MEIG1: variants seen among roughly 807,000 people sequenced by gnomAD.
MEIG1 encodes meiosis expressed gene 1 protein homolog.
Under a neutral mutation model 11.3 loss-of-function variants are expected in MEIG1, and 12 were observed. That is an observed-to-expected ratio of 1.07 (90% CI 0.68 to 1.73). The LOEUF (loss-of-function observed/expected upper bound fraction) is 1.73, where lower values mean the gene tolerates loss of function less well. Among genes scored for constraint, MEIG1 ranks in the 40% most tolerant of loss-of-function variants. The pLI is 0.00. For synonymous variants in MEIG1, 41 were observed against 33.2 expected, an observed-to-expected ratio of 1.24 and a Z score of -0.81; for missense variants, 119 against 104.9, an observed-to-expected ratio of 1.13 and a Z score of -0.59.
downstream of MEIG1, among the ~76,000 whole-genome samples, chr10:14,977,259 C>T (rs567441341): frequency 6.6e-6 from 1 of 152,144 alleles, no homozygotes; most frequent in African/African-American, 2.4e-5. Flanking sequence ...CTCCCAATGT[C>T]ACAGATGGTG....
intron 1 of MEIG1, among the ~76,000 whole-genome samples, chr10:14,985,439 G>A (rs144369343): frequency 6.6e-6 from 1 of 151,980 alleles, no homozygotes; most frequent in African/African-American, 2.4e-5. Context: ...TACTCCTAAT[G>A]TCATATGGGA....
chr10:14,984,234 A>C (rs1843295020), intron 1 of MEIG1, among the ~76,000 whole-genome samples: 1 of 114,756 alleles, frequency 8.7e-6, no homozygotes, highest in Non-Finnish European at 1.7e-5. Context: ...TGCGATGTGG[A>C]TCGTAATATC....
At chr10:14,978,756 C>T (rs7918055) in intron 1 of MEIG1, among the ~76,000 whole-genome samples, 15,787 of 151,930 alleles carry the variant, frequency 0.1, 1,255 homozygotes, top group East Asian at 0.25. Flanking sequence ...GCTGTATACC[C>T]TGTGATATTA....
chr10:14,978,643 C>A (rs533224548), intron 1 of MEIG1, among the ~76,000 whole-genome samples: 1 of 151,926 alleles, frequency 6.6e-6, no homozygotes, highest in Non-Finnish European at 1.5e-5. Flanking sequence ...CGATAGTATT[C>A]GTAGTCTCCT....
intron 2 of MEIG1, among the ~76,000 whole-genome samples, chr10:14,971,216 G>GATAATAATAATAATAATGATAATAATA (rs1843145345): frequency 7.0e-6 from 1 of 143,642 alleles, no homozygotes; most frequent in South Asian, 2.2e-4. Context: ...TAATAATAAT[G>GATAATAATAATAATAATGATAATAATA]ATAATAATAA....
chr10:14,955,304 G>A (rs1194860124), upstream of MEIG1, among the ~76,000 whole-genome samples: 1 of 152,142 alleles, frequency 6.6e-6, no homozygotes, highest in African/African-American at 2.4e-5. Context: ...TCTATCTGGC[G>A]ACAACATGTT....
At chr10:14,981,065 A>T (rs1206092863) in intron 1 of MEIG1, among the ~76,000 whole-genome samples, 2 of 152,120 alleles carry the variant, frequency 1.3e-5, no homozygotes, top group Non-Finnish European at 2.9e-5. Flanking sequence ...GTATCATTCC[A>T]CAAGTTCTTA....
At chr10:14,973,726 C>T (rs1179168765), downstream of MEIG1, among the ~76,000 whole-genome samples, 4 of 144,660 alleles carry the variant, frequency 2.8e-5, no homozygotes, top group Non-Finnish European at 3.0e-5. Flanking sequence ...GCCAAGATCC[C>T]GCCACTGCAC....
chr10:14,954,368 A>C, the MEIG1 span: 1 of 380,832 alleles, frequency 2.6e-6, no homozygotes, highest in Non-Finnish European at 5.0e-6. Flanking sequence ...CTCCCAGAGC[A>C]GGTGGCCCCA....
At chr10:14,957,363 C>G (rs908670024), upstream of MEIG1, among the ~76,000 whole-genome samples, 4 of 152,178 alleles carry the variant, frequency 2.6e-5, no homozygotes, top group Non-Finnish European at 5.9e-5. Context: ...TGCTAGCCAC[C>G]GTGCCATGCT....
chr10:14,964,608 TAC>T (rs1220258184), intron 1 of MEIG1, among the ~76,000 whole-genome samples: 17,192 of 90,022 alleles, frequency 0.19, 1,601 homozygotes, highest in African/African-American at 0.29. Context: ...TATATATATA[TAC>T]ACACACACAC....
chr10:14,972,786 A>G lies in MEIG1; in HGVS notation c.*145A>G. On this transcript the variant is annotated 3_prime_UTR_variant, in exon 3 of 3. Coordinates refer to ENST00000407572, the MANE Select transcript of MEIG1 (RefSeq NM_001080836.3). Reference sequence around the variant, plus strand: ...AAACACAAAAGCCATGAGAATTGGTATCTGCTAATCACCTTGTCCTGTTCT... The same window carrying G: ...AAACACAAAAGCCATGAGAATTGGTGTCTGCTAATCACCTTGTCCTGTTCT... 1 of 724,590 alleles carries G rather than the reference A, an allele frequency of 1.4e-6. No homozygotes were observed. The highest frequency in any genetic ancestry group is 2.9e-5 in the East Asian group (1 of 35,064). The allele number at this position is 724,590 out of a possible 1,614,324, so 44.9% of individuals were successfully genotyped here.
Position 14,987,111 on chromosome 10 carries a change from A to G in MEIG1, n.285+97A>G, listed in dbSNP as rs1843326089. On this transcript the variant is annotated intron_variant and non_coding_transcript_variant, in intron 2 of 2. Transcript: ENST00000467536. ...TCAGGAGCATGCATTCTATACATGCAAAAAAGGACCAAGAAAGACATCTGT... is the reference window on the plus strand; with the variant it reads ...TCAGGAGCATGCATTCTATACATGCGAAAAAGGACCAAGAAAGACATCTGT... The G allele has an allele frequency of 2.5e-5, 19 of 761,742 alleles. 1 individual carries two copies. In the East Asian group the frequency reaches 9.6e-4, roughly 38 times the overall value. 47.2% of individuals were successfully genotyped at this position (761,742 alleles called of 1,614,324 possible). A position where few individuals can be genotyped will look rare whatever the true frequency, so the allele number is the denominator to read the frequency against.
chr10:14,985,032 T>C (rs1209181221), intron 1 of MEIG1, among the ~76,000 whole-genome samples: 1 of 152,102 alleles, frequency 6.6e-6, no homozygotes, highest in Non-Finnish European at 1.5e-5. Context: ...ATTCGTATTG[T>C]CTTGAAGAGA....
At chr10:14,977,589 T>G (rs1197843083), downstream of MEIG1, among the ~76,000 whole-genome samples, 1 of 142,662 alleles carries the variant, frequency 7.0e-6, no homozygotes, top group East Asian at 2.0e-4. Context: ...TGTACACACA[T>G]GGGGTACACC....
At chr10:14,959,112 G>A (rs993828902), upstream of MEIG1, among the ~76,000 whole-genome samples, 4 of 152,198 alleles carry the variant, frequency 2.6e-5, no homozygotes, top group Non-Finnish European at 5.9e-5. Context: ...TCTACTATCA[G>A]GAACTACAAA....
At chr10:14,956,345 G>A (rs373036619), upstream of MEIG1, among the ~76,000 whole-genome samples, 180 of 151,886 alleles carry the variant, frequency 1.2e-3, no homozygotes, top group African/African-American at 4.2e-3. Context: ...TTGGGAGGCC[G>A]ACGCAGGTGG....
At chr10:14,954,464 C>G (rs1842882240), upstream of MEIG1, 1 of 280,476 alleles carries the variant, frequency 3.6e-6, no homozygotes, top group Admixed American at 4.5e-5. Context: ...GCCTGAAACC[C>G]GAGCTCAGTT....
At chr10:14,965,569 C>G (rs1002303778) in intron 1 of MEIG1, among the ~76,000 whole-genome samples, 2 of 151,970 alleles carry the variant, frequency 1.3e-5, no homozygotes, top group African/African-American at 4.8e-5. Context: ...TGAATTGCAG[C>G]AATTGGGATG....
Sources: allele counts gnomAD v4.1 joint callset (sites outside exome capture counted in the v4.1 genomes callset), GRCh38; gene constraint gnomAD v4.1.1; transcripts MANE v1.5; gene names NCBI Gene and HGNC (gene_info 2026-07-23, HGNC 2026-07-21).